NBAS: variants seen among roughly 807,000 people sequenced by gnomAD.
NBAS encodes NAG/BC035112 fusion.
In NBAS, 219 loss-of-function variants were observed where a neutral mutation model predicts 302.5. The observed-to-expected ratio is 0.72, with a 90% confidence interval of 0.65 to 0.81. The LOEUF is 0.81. NBAS is among the 30% of genes least tolerant of loss of function. NBAS has a pLI of 0.00. For missense variants in NBAS, 2,932 were observed against 2,841.6 expected, an observed-to-expected ratio of 1.03 and a Z score of -0.72; for synonymous variants, 1,118 against 1,021.6, an observed-to-expected ratio of 1.09 and a Z score of -1.80.
At chr2:15,162,989 T>C (rs888460103), downstream of NBAS, among the ~76,000 whole-genome samples, 25 of 152,266 alleles carry the variant, frequency 1.6e-4, no homozygotes, top group African/African-American at 6.0e-4. Flanking sequence ...TCCAAAAAGA[T>C]AAGACCCAGT....
chr2:15,404,714 T>C lies in NBAS; in HGVS notation c.2938-2413A>G, dbSNP rs577399630. Among the ~76,000 whole-genome samples, 5 of 152,138 alleles carry C rather than the reference T, an allele frequency of 3.3e-5. No homozygotes were observed. In the South Asian group the frequency reaches 1.0e-3, roughly 32 times the overall value. On this transcript the variant is annotated intron_variant, in intron 25 of 51. Transcript: ENST00000281513. Reference sequence around the variant, plus strand: ...TTTCAGTAGAGATGGACTTTCACCATGTTGGCCAGGCTGGTTTCCAACTCT... The same window carrying C: ...TTTCAGTAGAGATGGACTTTCACCACGTTGGCCAGGCTGGTTTCCAACTCT...
intron 10 of NBAS, among the ~76,000 whole-genome samples, chr2:15,506,576 T>C (rs182589881): frequency 2.6e-4 from 39 of 152,270 alleles, no homozygotes; most frequent in Non-Finnish European, 5.1e-4. Flanking sequence ...CAAAACAGTT[T>C]TGAACATAAA....
chr2:15,377,462 TCTAA>T lies in NBAS; in HGVS notation c.3590+2136_3590+2139del, dbSNP rs563475168. ...ATTATCCATCTACAACAGGCACAGT[TCTAA>T]CTATTTTACATACTCAGTTAATATT... On this transcript the variant is annotated intron_variant, in intron 30 of 51. Coordinates refer to ENST00000281513, the MANE Select transcript of NBAS (RefSeq NM_015909.4). 4.6e-4 allele frequency among the ~76,000 whole-genome samples: 70 copies of T among 152,324 alleles called. 1 individual carries two copies. The highest frequency in any genetic ancestry group is 1.5e-3 in the African/African-American group (61 of 41,588).
the NBAS span, among the ~76,000 whole-genome samples, chr2:14,918,655 T>G: frequency 6.6e-6 from 1 of 152,246 alleles, no homozygotes; most frequent in Non-Finnish European, 1.5e-5. Context: ...TTGACAAGTC[T>G]GCACTTGACC....
At chr2:15,337,449 A>G (rs980355399) in intron 35 of NBAS, among the ~76,000 whole-genome samples, 1 of 152,120 alleles carries the variant, frequency 6.6e-6, no homozygotes, top group African/African-American at 2.4e-5. Context: ...CCAAAAACCT[A>G]TGGAAATAAA....
At chr2:15,115,328 A>T in the NBAS span, among the ~76,000 whole-genome samples, 1 of 152,226 alleles carries the variant, frequency 6.6e-6, no homozygotes, top group African/African-American at 2.4e-5. Context: ...AGGAAGTTAG[A>T]CGCTGACATA....
At chr2:15,528,151 C>T (rs2148670427) in intron 9 of NBAS, among the ~76,000 whole-genome samples, 1 of 151,982 alleles carries the variant, frequency 6.6e-6, no homozygotes, top group Non-Finnish European at 1.5e-5. Context: ...TCCCTTGCCA[C>T]TATTAACATT....
chr2:15,135,219 A>C, the NBAS span, among the ~76,000 whole-genome samples: 4 of 152,188 alleles, frequency 2.6e-5, no homozygotes, highest in African/African-American at 9.7e-5. Context: ...TGCTTCTTCA[A>C]GGTGGCCTGG....
intron 40 of NBAS, among the ~76,000 whole-genome samples, chr2:15,298,292 T>C (rs1670641999): frequency 6.6e-6 from 1 of 152,182 alleles, no homozygotes; most frequent in Admixed American, 6.5e-5. Context: ...TAAAAAAATT[T>C]TCAGTACTTC....
the NBAS span, among the ~76,000 whole-genome samples, chr2:15,040,833 A>T: frequency 6.6e-6 from 1 of 152,314 alleles, no homozygotes; most frequent in Admixed American, 6.5e-5. Flanking sequence ...GTGACAGTTA[A>T]TCCAAAGGCC....
At chr2:14,962,956 A>C in the NBAS span, among the ~76,000 whole-genome samples, 1 of 152,038 alleles carries the variant, frequency 6.6e-6, no homozygotes, top group African/African-American at 2.4e-5. Flanking sequence ...AAAAAAAAAC[A>C]AAAAACTGTT....
rs201680066 is a variant in NBAS at position 15,394,305 on chromosome 2, G to A, written c.3179C>T (p.Ser1060Leu). ...LEKHGLEKPI[S>L]FVKNTQSSSE... ...GCTAGATTGAGTGTTTTTAACAAAT[G>A]AAATTGGTTTCTCGAGTCCATGTTT... The change falls in exon 28 of 52, where the codon TCA (serine) becomes TTA (leucine). Residue 1060 changes from serine to leucine, a missense_variant. Transcript: ENST00000281513. 6.2e-7 allele frequency: 1 copy of A among 1,613,058 alleles called. No individual in the cohort carries two copies. The highest frequency in any genetic ancestry group is 8.5e-7 in the Non-Finnish European group (1 of 1,179,368).
chr2:15,397,175 G>T (rs1675904058), intron 26 of NBAS, among the ~76,000 whole-genome samples: 1 of 152,284 alleles, frequency 6.6e-6, no homozygotes, highest in African/African-American at 2.4e-5. Flanking sequence ...CAACATATGT[G>T]CAAGTGAATA....
Position 15,327,874 on chromosome 2 carries a change from C to T in NBAS, c.4462-4G>A, listed in dbSNP as rs995600929. ...AGGTGTCATAGGTCCCTTCAGACTA[C>T]ACAAAAGAAGCAGTTTCACTATCTA... On this transcript the variant is annotated splice_polypyrimidine_tract_variant and splice_region_variant and intron_variant, in intron 37 of 51. Transcript: ENST00000281513. 3 of 1,613,526 alleles carry T rather than the reference C, an allele frequency of 1.9e-6. No individual in the cohort carries two copies. Among genetic ancestry groups the T allele is most frequent in the Admixed American group, 1.7e-5 (1 of 59,976 alleles).
intron 21 of NBAS, among the ~76,000 whole-genome samples, chr2:15,454,830 G>C (rs1215812431): frequency 1.3e-5 from 2 of 151,884 alleles, no homozygotes; most frequent in East Asian, 3.9e-4. Context: ...GTCTTCTCCA[G>C]GTATTTTTCA....
the NBAS span, among the ~76,000 whole-genome samples, chr2:15,105,867 G>A: frequency 1.3e-5 from 2 of 152,090 alleles, no homozygotes; most frequent in Admixed American, 6.6e-5. Context: ...TCCAAGGCAC[G>A]CACGCAGAGG....
At chr2:14,921,297 A>T in the NBAS span, among the ~76,000 whole-genome samples, 5 of 152,150 alleles carry the variant, frequency 3.3e-5, no homozygotes. Context: ...ACCCCAAAAC[A>T]ATTATAATAG....
intron 35 of NBAS, among the ~76,000 whole-genome samples, chr2:15,341,110 GCACAGTGGCT>G (rs1227463226): frequency 6.6e-6 from 1 of 152,112 alleles, no homozygotes; most frequent in African/African-American, 2.4e-5. Flanking sequence ...GACTGGCCAG[GCACAGTGGCT>G]CACACCTGTA....
the NBAS span, among the ~76,000 whole-genome samples, chr2:14,784,274 T>A: frequency 2.0e-5 from 3 of 152,238 alleles, no homozygotes; most frequent in Admixed American, 2.0e-4. Flanking sequence ...GGTTGCCTGT[T>A]CACTCTGATG....
Sources: gnomAD v4.1 joint callset for allele counts (sites outside exome capture counted in the v4.1 genomes callset) on GRCh38, gnomAD v4.1.1 for gene constraint, MANE v1.5 for transcripts, NCBI Gene and HGNC (gene_info 2026-07-23, HGNC 2026-07-21) for gene names.